DDHD2: variants seen among roughly 807,000 people sequenced by gnomAD.
DDHD2 encodes DDHD domain containing 2, also known as triacylglycerol hydrolase DDHD2.
Under a neutral mutation model 91.2 loss-of-function variants are expected in DDHD2, and 62 were observed. That is an observed-to-expected ratio of 0.68 (90% confidence interval 0.55 to 0.84). DDHD2 has a LOEUF of 0.84. Ranked by LOEUF, DDHD2 falls within the 40% of genes least tolerant of loss-of-function variation. DDHD2 has a pLI of 0.00. For missense variants in DDHD2, 740 were observed against 846.9 expected (o/e 0.87, Z 1.57); for synonymous variants, 271 against 293.9 (o/e 0.92, Z 0.80).
intron 10 of DDHD2, 70 bp downstream of exon 10, chr8:38,247,905 G>T: frequency 8.2e-7 from 1 of 1,226,504 alleles, no homozygotes; most frequent in Non-Finnish European, 1.1e-6. Flanking sequence ...TTTACTAAGA[G>T]CCTACCCTTT....
In DDHD2 at chr8:38,253,552, C is replaced by T. The variant is rs1183680663; in HGVS notation, c.1892-4C>T. The stretch of plus-strand genomic sequence containing the variant: ...GATTCTTATTATGGTTCTTCCATAT[C>T]CAGATGTTAACACAGAAGAGACCTC... On this transcript the variant is annotated splice_polypyrimidine_tract_variant and splice_region_variant and intron_variant, in intron 15 of 17. Coordinates refer to ENST00000397166, the MANE Select transcript of DDHD2 (RefSeq NM_015214.3). 1 of 1,610,826 alleles carries T rather than the reference C, an allele frequency of 6.2e-7. No homozygotes were observed. The highest frequency in any genetic ancestry group is 1.1e-5 in the South Asian group (1 of 90,478).
intron 9 of DDHD2, 117 bp downstream of exon 9, chr8:38,246,417 C>T: frequency 1.5e-6 from 1 of 677,960 alleles, no homozygotes; most frequent in Non-Finnish European, 2.5e-6. Context: ...ATTACATTTA[C>T]ACTTATTTTC....
chr8:38,268,408 C>A, intron 1 of DDHD2: 1 of 1,576,842 alleles, frequency 6.3e-7, no homozygotes, highest in South Asian at 1.2e-5. Context: ...TGTCTGCCTT[C>A]TTGAGAAATT....
downstream of DDHD2, chr8:38,266,337 G>C: frequency 6.3e-7 from 1 of 1,597,012 alleles, no homozygotes. Context: ...CTTTTAAGTG[G>C]TTTGTCTTTT....
At chr8:38,244,050 G>A (rs140399136) in intron 7 of DDHD2, among the ~76,000 whole-genome samples, 77 of 152,056 alleles carry the variant, frequency 5.1e-4, no homozygotes, top group African/African-American at 1.4e-3. Context: ...TGATCCGCCC[G>A]TCTTGGCCTC....
At chr8:38,232,941 T>C in intron 1 of DDHD2, 46 bp from the exon 2 acceptor site, 11 of 1,439,390 alleles carry the variant, frequency 7.6e-6, no homozygotes, top group Non-Finnish European at 1.1e-5. Flanking sequence ...GTGCGAACAG[T>C]TACACAGTTA....
downstream of DDHD2, chr8:38,266,280 G>A (rs1287727042): frequency 6.2e-7 from 1 of 1,613,604 alleles, no homozygotes; most frequent in East Asian, 2.2e-5. Flanking sequence ...CTGCCAGGTA[G>A]AAGGACGCAA....
At chr8:38,244,240 G>C (rs1255597027) in intron 7 of DDHD2, among the ~76,000 whole-genome samples, 1 of 151,962 alleles carries the variant, frequency 6.6e-6, no homozygotes, top group Admixed American at 6.6e-5. Context: ...GAGCCACAGT[G>C]CCTGGCCTGA....
At chr8:38,236,000 AGTAGAGC>A (rs1804704807) in intron 3 of DDHD2, among the ~76,000 whole-genome samples, 1 of 151,878 alleles carries the variant, frequency 6.6e-6, no homozygotes, top group Admixed American at 6.6e-5. Flanking sequence ...TTTAAATTGG[AGTAGAGC>A]GTTAGTATTT....
At chr8:38,242,407 C>G (rs767069191) in intron 7 of DDHD2, 22 bp downstream of exon 7, 1 of 1,603,438 alleles carries the variant, frequency 6.2e-7, no homozygotes, top group Non-Finnish European at 8.5e-7. Flanking sequence ...TTAATACCTT[C>G]GAGTTGTTAG....
chr8:38,237,754 G>A, intron 4 of DDHD2, 127 bp downstream of exon 4: 2 of 577,836 alleles, frequency 3.5e-6, no homozygotes, highest in Middle Eastern at 2.8e-4. Context: ...TGAATTCACA[G>A]TTATGAAACT....
chr8:38,248,962 A>G (rs994650788), intron 10 of DDHD2, among the ~76,000 whole-genome samples: 3 of 150,702 alleles, frequency 2.0e-5, no homozygotes. Context: ...AAAAAAAAAA[A>G]CGATGAGTGA....
chr8:38,248,083 A>G (rs1805789124), intron 10 of DDHD2, among the ~76,000 whole-genome samples: 1 of 152,254 alleles, frequency 6.6e-6, no homozygotes, highest in Non-Finnish European at 1.5e-5. Context: ...CATAGAAAAC[A>G]TGAGTGCAAG....
chr8:38,249,881 T>A (rs1308594713), intron 11 of DDHD2, 78 bp downstream of exon 11: 1 of 1,004,058 alleles, frequency 1.0e-6, no homozygotes, highest in Non-Finnish European at 1.5e-6. Context: ...GTGGGATGTT[T>A]ACTCTGGGGA....
chr8:38,235,862 A>C (rs1051543024), intron 3 of DDHD2, among the ~76,000 whole-genome samples: 2 of 123,312 alleles, frequency 1.6e-5, no homozygotes, highest in Non-Finnish European at 3.4e-5. Context: ...ACTACAAAAA[A>C]AAGTACACGC....
chr8:38,249,516 G>A (rs1023256088), intron 10 of DDHD2, among the ~76,000 whole-genome samples, 192 bp from the exon 11 acceptor site: 1 of 146,984 alleles, frequency 6.8e-6, no homozygotes, highest in Non-Finnish European at 1.5e-5. Context: ...GATATTATAA[G>A]TATTGATATT....
Position 38,234,426 on chromosome 8 carries a change from G to C in DDHD2, c.253G>C (p.Asp85His). 1 of 1,602,920 alleles carries C rather than the reference G, an allele frequency of 6.2e-7. No homozygotes were observed. ...TTGTAATGGGAGAGTTGTTCCTACT[G>C]ATGGGGGCAGATATGATGTTCATTT... The part of the protein sequence containing the change: ...KGCNGRVVPT[D>H]GGRYDVHLGE... The change falls in exon 3 of 18, where the codon GAT becomes CAT. Residue 85 changes from aspartate (D) to histidine (H), a missense_variant. Around this residue, in one of 2 missense-constraint regions of DDHD2, gnomAD observed 693 missense variants for 764.2 expected, o/e 0.91. Coordinates refer to ENST00000397166, the MANE Select transcript of DDHD2 (RefSeq NM_015214.3).
chr8:38,272,505 T>TCGCAGCAGTGG (rs1358403843), downstream of DDHD2: 6 of 152,312 alleles, frequency 3.9e-5, no homozygotes, highest in African/African-American at 7.2e-5. Context: ...GATTCTTCCC[T>TCGCAGCAGTGG]CGCAGCAGTG....
chr8:38,247,566 A>G (rs953818066), intron 9 of DDHD2, 147 bp from the exon 10 acceptor site: 1 of 462,748 alleles, frequency 2.2e-6, no homozygotes, highest in Non-Finnish European at 3.7e-6. Flanking sequence ...AAACCTTGGA[A>G]CCTCTTAATT....
Sources: gnomAD v4.1 joint callset for allele counts (sites outside exome capture counted in the v4.1 genomes callset) on GRCh38, gnomAD v4.1.1 for gene constraint, gnomAD v4.1.1 regional missense constraint, MANE v1.5 for transcripts, NCBI Gene and HGNC (gene_info 2026-07-23, HGNC 2026-07-21) for gene names.